Variants in CD2AP observed in about 807,000 individuals in gnomAD.
CD2AP encodes the protein CD2 associated protein, also known as CD2-associated protein.
CD2AP carries 46 observed loss-of-function variants against 85.1 expected under a neutral mutation model. That is an observed-to-expected ratio of 0.54 (90% CI 0.43 to 0.69). The LOEUF is 0.69. Among genes scored for constraint, CD2AP ranks in the 30% least tolerant of loss-of-function variants. The probability of loss-of-function intolerance (pLI) is 0.00; values close to 1 mark genes in which losing one functional copy is unlikely to be tolerated. For missense variants in CD2AP, 769 were observed against 729.5 expected (o/e 1.05, Z -0.62); for synonymous variants, 255 against 252.9 (o/e 1.01, Z -0.08).
chr6:47,529,762 A>G (rs2114019709), intron 2 of CD2AP, among the ~76,000 whole-genome samples: 1 of 152,320 alleles, frequency 6.6e-6, no homozygotes, highest in Non-Finnish European at 1.5e-5. Context: ...TTTTGCTTAA[A>G]GTCACAATTT....
At chr6:47,571,942 T>G (rs1582574393) in intron 5 of CD2AP, among the ~76,000 whole-genome samples, 1 of 152,182 alleles carries the variant, frequency 6.6e-6, no homozygotes, top group Non-Finnish European at 1.5e-5. Context: ...CCAGCACTCG[T>G]TAAAGTAGAA....
At chr6:47,523,017 A>G (rs1033754497) in intron 2 of CD2AP, among the ~76,000 whole-genome samples, 5 of 152,176 alleles carry the variant, frequency 3.3e-5, no homozygotes, top group African/African-American at 7.2e-5. Context: ...AGTTTTCATA[A>G]GAAGAAATAT....
chr6:47,587,697 T>C (rs1768668754), intron 11 of CD2AP, among the ~76,000 whole-genome samples: 1 of 152,174 alleles, frequency 6.6e-6, no homozygotes. Context: ...ATAATTATTT[T>C]GGAATGCAAG....
At chr6:47,548,618 C>A (rs981314909) in intron 4 of CD2AP, among the ~76,000 whole-genome samples, 4 of 152,160 alleles carry the variant, frequency 2.6e-5, no homozygotes, top group Admixed American at 2.6e-4. Context: ...CACCAGAATT[C>A]TACCAGACAT....
At chr6:47,540,323 A>G (rs1346056002) in intron 3 of CD2AP, among the ~76,000 whole-genome samples, 1 of 151,894 alleles carries the variant, frequency 6.6e-6, no homozygotes, top group East Asian at 1.9e-4. Context: ...ATTAACATTT[A>G]TTGACTTTGT....
At chr6:47,492,992 G>T (rs749013110) in intron 1 of CD2AP, among the ~76,000 whole-genome samples, 6 of 152,122 alleles carry the variant, frequency 3.9e-5, no homozygotes, top group Non-Finnish European at 7.4e-5. Flanking sequence ...CATGTGTAGT[G>T]CTGGTACCAT....
At chr6:47,537,757 G>T (rs1222783326) in intron 3 of CD2AP, among the ~76,000 whole-genome samples, 1 of 151,872 alleles carries the variant, frequency 6.6e-6, no homozygotes. Context: ...TTCACTTAAT[G>T]GCCTAAGCAT....
chr6:47,535,547 A>G (rs994905200), intron 3 of CD2AP, among the ~76,000 whole-genome samples: 1 of 152,216 alleles, frequency 6.6e-6, no homozygotes, highest in Non-Finnish European at 1.5e-5. Flanking sequence ...CATAAAAATG[A>G]AACAGATTTT....
chr6:47,518,574 T>C (rs1253114630), intron 2 of CD2AP, among the ~76,000 whole-genome samples: 2 of 152,268 alleles, frequency 1.3e-5, no homozygotes, highest in Non-Finnish European at 2.9e-5. Context: ...TTGTTTTCAA[T>C]TTCTGAATAT....
At chr6:47,489,584 A>C (rs143072918) in intron 1 of CD2AP, among the ~76,000 whole-genome samples, 2,880 of 152,118 alleles carry the variant, frequency 0.019, 50 homozygotes, top group Non-Finnish European at 0.026. Context: ...TTCAGTTGAT[A>C]CTTAGTTACT....
At chr6:47,599,231 A>G (rs1219951657) in intron 12 of CD2AP, 70 bp from the exon 13 acceptor site, 2 of 1,329,116 alleles carry the variant, frequency 1.5e-6, no homozygotes, top group African/African-American at 2.9e-5. Flanking sequence ...CTTTAATGTC[A>G]TTAAATCACA....
At chr6:47,582,801 T>G (rs9395282) in intron 11 of CD2AP, among the ~76,000 whole-genome samples, 39,661 of 149,324 alleles carry the variant, frequency 0.27, 5,419 homozygotes, top group African/African-American at 0.32. Flanking sequence ...TTTTGTTTTT[T>G]TTTTTTTGTC....
chr6:47,571,862 AC>A (rs1213198422), intron 5 of CD2AP, among the ~76,000 whole-genome samples: 2 of 152,130 alleles, frequency 1.3e-5, no homozygotes, highest in African/African-American at 4.8e-5. Flanking sequence ...CTCTAATCCT[AC>A]CCTAAAAAAG....
intron 17 of CD2AP, among the ~76,000 whole-genome samples, chr6:47,617,779 C>T (rs531127994): frequency 6.6e-6 from 1 of 152,314 alleles, no homozygotes; most frequent in East Asian, 1.9e-4. Context: ...CTTTCCATTA[C>T]ATGCTGAATA....
At chr6:47,597,244 A>G (rs1376223085) in intron 12 of CD2AP, among the ~76,000 whole-genome samples, 1 of 150,912 alleles carries the variant, frequency 6.6e-6, no homozygotes, top group African/African-American at 2.4e-5. Flanking sequence ...TCATGGAGAA[A>G]GCAGCAGACG....
intron 17 of CD2AP, among the ~76,000 whole-genome samples, chr6:47,618,504 A>G (rs537909424): frequency 6.6e-6 from 1 of 152,190 alleles, no homozygotes; most frequent in Non-Finnish European, 1.5e-5. Flanking sequence ...ACACAATGCT[A>G]TATACATATT....
At chr6:47,498,370 A>G (rs1337837221) in intron 1 of CD2AP, among the ~76,000 whole-genome samples, 25 of 152,158 alleles carry the variant, frequency 1.6e-4, no homozygotes, top group Admixed American at 1.6e-3. Context: ...AGAGCTTTCT[A>G]GGATCGTTTA....
At position 47,533,690 on chromosome 6, in the gene CD2AP, T is replaced by C. The variant is rs1180618067; in HGVS notation, c.254T>C (p.Ile85Thr). ...HGNVASLVQR[I>T]STYGLPAGGI... ...AATGTAGCAAGTCTTGTACAACGAATAAGCACCTATGGACTTCCAGCTGGA... is the reference window on the plus strand; with the variant it reads ...AATGTAGCAAGTCTTGTACAACGAACAAGCACCTATGGACTTCCAGCTGGA... Residue 85 changes from isoleucine (I) to threonine (T), a missense_variant, in exon 3 of 18, where the codon ATA (isoleucine) becomes ACA (threonine). By Grantham distance (89) the Ile-to-Thr change is moderately conservative. Coordinates refer to ENST00000359314, the MANE Select transcript of CD2AP (RefSeq NM_012120.3). The C allele has an allele frequency of 2.5e-6, 4 of 1,614,162 alleles. No homozygotes were observed. The highest frequency in any genetic ancestry group is 3.4e-6 in the Non-Finnish European group (4 of 1,180,006).
In CD2AP at chr6:47,533,642, C is replaced by T. The variant is rs200440845; in HGVS notation, c.206C>T (p.Pro69Leu). Reference protein sequence around the residue: ...RETEFKDDSLPIKRERHGNVA... With the variant: ...RETEFKDDSLLIKRERHGNVA... ...ACGGAATTCAAGGATGACAGTTTGCCCATCAAACGGGAAAGGCATGGGAAT... is the reference window on the plus strand; with the variant it reads ...ACGGAATTCAAGGATGACAGTTTGCTCATCAAACGGGAAAGGCATGGGAAT... The change falls in exon 3 of 18, where the codon CCC becomes CTC. Residue 69 changes from proline (P) to leucine (L), a missense_variant. Pro to Leu is a moderately conservative substitution (Grantham distance 98, BLOSUM62 -3). Transcript: ENST00000359314. 5 of 1,613,762 alleles carry T rather than the reference C, an allele frequency of 3.1e-6. No homozygotes were observed. The highest frequency in any genetic ancestry group is 3.4e-6 in the Non-Finnish European group (4 of 1,179,936).
Sources: allele counts gnomAD v4.1 joint callset (sites outside exome capture counted in the v4.1 genomes callset), GRCh38; gene constraint gnomAD v4.1.1; transcripts MANE v1.5; gene names NCBI Gene and HGNC (gene_info 2026-07-23, HGNC 2026-07-21).